The following COL23A1 variants were observed in gnomAD, a reference collection of about 807,000 sequenced individuals.
The protein encoded by COL23A1 is collagen type XXIII alpha 1 chain, also known as collagen alpha-1(XXIII) chain.
COL23A1 carries 97 observed loss-of-function variants against 99.3 expected under a neutral mutation model. The ratio of observed to expected loss-of-function variants is 0.98; its 90% CI spans 0.83 to 1.16. The LOEUF is 1.16. Among genes scored for constraint, COL23A1 ranks in the 50% most tolerant of loss-of-function variants. The pLI is 0.00. For synonymous variants in COL23A1, 320 were observed against 308.2 expected, an observed-to-expected ratio of 1.04 and a Z score of -0.40; for missense variants, 762 against 757.4, an observed-to-expected ratio of 1.01 and a Z score of -0.07.
At position 178,434,556 on chromosome 5, in the gene COL23A1, T is replaced by G. The variant is rs1348244702; in HGVS notation, c.361+126126A>C. Among the ~76,000 whole-genome samples, 2 of 152,224 alleles carry G rather than the reference T, an allele frequency of 1.3e-5. No individual in the cohort carries two copies. The highest frequency in any genetic ancestry group is 3.9e-4 in the East Asian group (2 of 5,160). ...GCAGCTGAGCCCCAGCCTGGGGCCT[T>G]CCCTGGGGCCTTCCACTGGCGCTCT... On this transcript the variant is annotated intron_variant, in intron 2 of 28. Coordinates refer to ENST00000390654, the MANE Select transcript of COL23A1 (RefSeq NM_173465.4). This position sits in a 1 kb window ranked among gnomAD's most constrained non-coding sequence, Gnocchi z 4.3.
chr5:178,258,262 T>TATATATATATATATATATACACAC lies in COL23A1; in HGVS notation c.730-696_730-695insGTGTGTATATATATATATATATAT. ...ATATATATATATATATATATATATA[T>TATATATATATATATATATACACAC]ACACATGCAAATCAATTCTAGGCAC... On this transcript the variant is annotated intron_variant, in intron 12 of 28. Transcript: ENST00000390654. 2.2e-4 allele frequency among the ~76,000 whole-genome samples: 23 copies of TATATATATATATATATATACACAC among 104,116 alleles called. 3 individuals are homozygous for TATATATATATATATATATACACAC. Among genetic ancestry groups the TATATATATATATATATATACACAC allele is most frequent in the Non-Finnish European group, 3.6e-4 (16 of 44,822 alleles). The allele number at this position is 104,116 out of a possible 152,430, so 68.3% of individuals were successfully genotyped here.
chr5:178,414,124 G>A (rs1765182073), intron 2 of COL23A1, among the ~76,000 whole-genome samples: 1 of 152,210 alleles, frequency 6.6e-6, no homozygotes, highest in Admixed American at 6.5e-5. Flanking sequence ...TGAGAAGGGG[G>A]ACCCTGGCCC....
intron 2 of COL23A1, among the ~76,000 whole-genome samples, chr5:178,471,957 G>C (rs17052428): frequency 6.6e-6 from 1 of 152,008 alleles, no homozygotes; most frequent in African/African-American, 2.4e-5. Flanking sequence ...CTTTCAAGCA[G>C]TTGTCTCCAT....
intron 2 of COL23A1, among the ~76,000 whole-genome samples, chr5:178,527,243 G>A (rs1231696859): frequency 2.0e-5 from 3 of 152,182 alleles, no homozygotes; most frequent in Non-Finnish European, 4.4e-5. Context: ...CTGGACCTGG[G>A]GCTGGTCTGA....
chr5:178,571,478 G>C (rs1046395735), intron 1 of COL23A1, among the ~76,000 whole-genome samples: 6 of 152,106 alleles, frequency 3.9e-5, no homozygotes, highest in African/African-American at 1.4e-4. Flanking sequence ...CACTGCTCTA[G>C]TCCCACCTAA....
At chr5:178,247,632 C>A in intron 21 of COL23A1, 80 bp from the exon 22 acceptor site, 1 of 1,589,430 alleles carries the variant, frequency 6.3e-7, no homozygotes, top group Non-Finnish European at 8.6e-7. Context: ...GGGGCCCTGT[C>A]CTGGGCTCTG....
chr5:178,249,716 A>ACACACACACTCACTCTCTCT lies in COL23A1; in HGVS notation c.1059+344_1059+345insAGAGAGAGTGAGTGTGTGTG. Among the ~76,000 whole-genome samples the ACACACACACTCACTCTCTCT allele has an allele frequency of 4.1e-3, 383 of 92,748 alleles. 2 individuals are homozygous for ACACACACACTCACTCTCTCT. Among genetic ancestry groups the ACACACACACTCACTCTCTCT allele is most frequent in the Non-Finnish European group, 6.7e-3 (307 of 45,694 alleles). The allele number at this position is 92,748 out of a possible 152,430, so 60.8% of individuals were successfully genotyped here. On this transcript the variant is annotated intron_variant, in intron 18 of 28. Transcript: ENST00000390654. The stretch of plus-strand genomic sequence containing the variant: ...CACACACACACACACACACACACAC[A>ACACACACACTCACTCTCTCT]CTCTCTCTCTCTCTCTCTCTCTCTC...
chr5:178,255,856 A>G lies in COL23A1; in HGVS notation c.882+497T>C. The G allele has an allele frequency of 2.4e-6, 1 of 411,366 alleles. No individual in the cohort carries two copies. The highest frequency in any genetic ancestry group is 5.0e-6 in the Non-Finnish European group (1 of 200,600). 25.5% of individuals were successfully genotyped at this position (411,366 alleles called of 1,614,324 possible). ...GAAGCCAGCCTCTGGGAGCATGAGG[A>G]GACAGAGCCGAGGCCAGGATCCCGG... On this transcript the variant is annotated intron_variant, in intron 15 of 28. Coordinates refer to ENST00000390654, the MANE Select transcript of COL23A1 (RefSeq NM_173465.4). This position sits in a 1 kb window ranked among gnomAD's most constrained non-coding sequence, Gnocchi z 4.2.
chr5:178,334,557 C>T (rs867752518), intron 2 of COL23A1, among the ~76,000 whole-genome samples: 4 of 152,194 alleles, frequency 2.6e-5, no homozygotes, highest in Non-Finnish European at 4.4e-5. Context: ...GAGGGCTTCC[C>T]GCTGGGAGTG....
In COL23A1 at chr5:178,498,231, T is replaced by C. The variant is rs1230238797; in HGVS notation, c.361+62451A>G. On this transcript the variant is annotated intron_variant, in intron 2 of 28. Coordinates refer to ENST00000390654, the MANE Select transcript of COL23A1 (RefSeq NM_173465.4). ...ATATATATATATATATATATATATATATATATATATATATATATATATATA... is the reference window on the plus strand; with the variant it reads ...ATATATATATATATATATATATATACATATATATATATATATATATATATA... Among the ~76,000 whole-genome samples, 24 of 54,874 alleles carry C rather than the reference T, an allele frequency of 4.4e-4. 1 individual carries two copies. The highest frequency in any genetic ancestry group is 2.9e-3 in the African/African-American group (23 of 7,824). 36.0% of individuals were successfully genotyped at this position (54,874 alleles called of 152,430 possible). A position where few individuals can be genotyped will look rare whatever the true frequency, so the allele number is the denominator to read the frequency against.
At chr5:178,246,040 G>A in intron 24 of COL23A1, 72 bp from the exon 25 acceptor site, 1 of 1,565,378 alleles carries the variant, frequency 6.4e-7, no homozygotes, top group Non-Finnish European at 8.8e-7. Context: ...GGGAAGTCCA[G>A]CCCTGTGGGT....
chr5:178,371,283 C>G (rs796663686), intron 2 of COL23A1, among the ~76,000 whole-genome samples: 1 of 152,198 alleles, frequency 6.6e-6, no homozygotes, highest in Non-Finnish European at 1.5e-5. Context: ...TACATGGGTT[C>G]GACCAGTGTC....
At chr5:178,335,646 C>T (rs541144410) in intron 2 of COL23A1, among the ~76,000 whole-genome samples, 42 of 152,272 alleles carry the variant, frequency 2.8e-4, no homozygotes, top group African/African-American at 9.1e-4. Context: ...TCAGTATCTC[C>T]CTATGAAGAG....
At chr5:178,498,112 A>G (rs1758287992) in intron 2 of COL23A1, among the ~76,000 whole-genome samples, 1 of 149,488 alleles carries the variant, frequency 6.7e-6, no homozygotes, top group Non-Finnish European at 1.5e-5. Flanking sequence ...CACACCAATA[A>G]TCCCAGCAGT....
intron 2 of COL23A1, among the ~76,000 whole-genome samples, chr5:178,484,685 G>A (rs917200366): frequency 1.3e-5 from 2 of 152,122 alleles, no homozygotes; most frequent in Non-Finnish European, 2.9e-5. Flanking sequence ...AGCCAGGCGT[G>A]GTGGTGGGTG....
At position 178,517,873 on chromosome 5, in the gene COL23A1, CTTTTTTTTTTTTTTTT is replaced by C. The variant is rs71577021; in HGVS notation, c.361+42793_361+42808del. ...CCGTGCCTGGCCAGCAACAGCGGTT[CTTTTTTTTTTTTTTTT>C]TTTTTTTTTTTTTAATTTATTTTTT... On this transcript the variant is annotated intron_variant, in intron 2 of 28. Coordinates refer to ENST00000390654, the MANE Select transcript of COL23A1 (RefSeq NM_173465.4). 1.8e-4 allele frequency among the ~76,000 whole-genome samples: 18 copies of C among 97,710 alleles called. No homozygotes were observed. The East Asian group carries it at 5.0e-3, about 27-fold the overall frequency. 64.1% of individuals were successfully genotyped at this position (97,710 alleles called of 152,430 possible).
At chr5:178,432,803 C>G (rs1766336558) in intron 2 of COL23A1, among the ~76,000 whole-genome samples, 1 of 152,126 alleles carries the variant, frequency 6.6e-6, no homozygotes, top group Non-Finnish European at 1.5e-5. Context: ...CCAGGGCCCT[C>G]CCCTGCTCTT....
chr5:178,338,397 C>T (rs1273143156), intron 2 of COL23A1, among the ~76,000 whole-genome samples: 1 of 152,244 alleles, frequency 6.6e-6, no homozygotes, highest in Non-Finnish European at 1.5e-5. Context: ...AATCCCACAA[C>T]CCACAGGACT....
At chr5:178,490,148 C>T (rs1308366341) in intron 2 of COL23A1, among the ~76,000 whole-genome samples, 2 of 152,008 alleles carry the variant, frequency 1.3e-5, no homozygotes, top group African/African-American at 4.8e-5. Context: ...ATCGCTTGAA[C>T]CTGGGAGGCA....
Sources: allele counts gnomAD v4.1 joint callset (sites outside exome capture counted in the v4.1 genomes callset), GRCh38; gene constraint gnomAD v4.1.1; non-coding constraint Gnocchi (gnomAD v3.1); transcripts MANE v1.5; gene names NCBI Gene and HGNC (gene_info 2026-07-23, HGNC 2026-07-21).